Variants in ZNF76 observed in about 807,000 individuals in gnomAD.
ZNF76 encodes zinc finger protein 523.
In ZNF76, 66 loss-of-function variants were observed where a neutral mutation model predicts 66.9. The observed-to-expected ratio is 0.99, with a 90% confidence interval of 0.81 to 1.21. ZNF76 has a LOEUF of 1.21. Among genes scored for constraint, ZNF76 ranks in the 50% most tolerant of loss-of-function variants. The pLI is 0.00. For synonymous variants in ZNF76, 275 were observed against 296.1 expected (o/e 0.93, Z 0.73); for missense variants, 729 against 760.3 (o/e 0.96, Z 0.48).
In ZNF76 at chr6:35,283,073, C is replaced by T. The variant is rs575361655; in HGVS notation, c.73+1849C>T. ...TTACTCCTTGGACCCAGTTAGTTCC[C>T]GTGCCTCAGTCTTCCACTGAGAATT... On this transcript the variant is annotated intron_variant, in intron 2 of 13. Coordinates refer to ENST00000373953, the MANE Select transcript of ZNF76 (RefSeq NM_003427.5). Among the ~76,000 whole-genome samples, 46 of 152,244 alleles carry T rather than the reference C, an allele frequency of 3.0e-4. No homozygotes were observed. In the East Asian group the frequency reaches 5.6e-3, roughly 19 times the overall value.
At chr6:35,290,558 A>G in intron 6 of ZNF76, 83 bp from the exon 7 acceptor site, 1 of 1,549,274 alleles carries the variant, frequency 6.5e-7, no homozygotes, top group Non-Finnish European at 8.9e-7. Flanking sequence ...ACAGGAGGGA[A>G]GAGAATCAGG....
At chr6:35,260,054 C>T (rs1287427840) in intron 1 of ZNF76, among the ~76,000 whole-genome samples, 1 of 151,876 alleles carries the variant, frequency 6.6e-6, no homozygotes, top group Non-Finnish European at 1.5e-5. Context: ...ACTCCCAAAC[C>T]TCACCCCGTG....
At chr6:35,278,893 A>G (rs920674030) in intron 1 of ZNF76, among the ~76,000 whole-genome samples, 3 of 152,230 alleles carry the variant, frequency 2.0e-5, no homozygotes, top group African/African-American at 7.2e-5. Context: ...TGCTGGAGAA[A>G]CCACTGTGAC....
intron 11 of ZNF76, 73 bp from the exon 12 acceptor site, chr6:35,293,678 G>T: frequency 6.5e-7 from 1 of 1,537,260 alleles, no homozygotes; most frequent in Middle Eastern, 2.0e-4. Flanking sequence ...GGGAGAGCAG[G>T]TATATCTTCC....
At chr6:35,260,993 C>G (rs1292389883) in intron 1 of ZNF76, among the ~76,000 whole-genome samples, 2 of 152,118 alleles carry the variant, frequency 1.3e-5, no homozygotes, top group Non-Finnish European at 2.9e-5. Context: ...GTTTGCAAAG[C>G]AGTATAGCAG....
chr6:35,262,425 C>G (rs1377788007), intron 1 of ZNF76, among the ~76,000 whole-genome samples: 1 of 152,112 alleles, frequency 6.6e-6, no homozygotes, highest in Non-Finnish European at 1.5e-5. Context: ...CAGTCAACTT[C>G]TCTCTTCATC....
intron 1 of ZNF76, among the ~76,000 whole-genome samples, chr6:35,280,162 C>T (rs1261952054): frequency 6.6e-6 from 1 of 152,152 alleles, no homozygotes. Context: ...CTGTTCTCAG[C>T]AGGCCTCTAC....
intron 1 of ZNF76, among the ~76,000 whole-genome samples, chr6:35,270,802 C>T (rs1046804880): frequency 1.3e-5 from 2 of 152,258 alleles, no homozygotes; most frequent in African/African-American, 2.4e-5. Context: ...GGTGATCCGA[C>T]TGCTTCAGCC....
intron 1 of ZNF76, chr6:35,279,937 TG>T (rs1788508952): frequency 6.6e-6 from 1 of 152,154 alleles, no homozygotes. Context: ...GGTCAGGCAG[TG>T]CTCCCACCTC....
chr6:35,272,469 C>CTCTG (rs1787223724), intron 1 of ZNF76, among the ~76,000 whole-genome samples: 1 of 149,536 alleles, frequency 6.7e-6, no homozygotes, highest in East Asian at 2.0e-4. Flanking sequence ...GACCCTGTTT[C>CTCTG]TGTGTGTGTG....
chr6:35,290,333 G>A lies in ZNF76; in HGVS notation c.500G>A (p.Cys167Tyr). 1 of 1,614,232 alleles carries A rather than the reference G, an allele frequency of 6.2e-7. No individual in the cohort carries two copies. Among genetic ancestry groups the A allele is most frequent in the Non-Finnish European group, 8.5e-7 (1 of 1,180,034 alleles). ...GQQVGDRAFRCGYKGCGRLYT... is the reference protein window; with the variant it reads ...GQQVGDRAFRYGYKGCGRLYT... ...CAAGTTGGAGACAGAGCATTCCGCTGTGGCTACAAGGGCTGTGGGCGTCTC... is the reference window on the plus strand; with the variant it reads ...CAAGTTGGAGACAGAGCATTCCGCTATGGCTACAAGGGCTGTGGGCGTCTC... The change falls in exon 6 of 14, where the codon TGT becomes TAT. Residue 167 changes from cysteine to tyrosine, a missense_variant. By Grantham distance (194) the Cys-to-Tyr change is radical. Coordinates refer to ENST00000373953, the MANE Select transcript of ZNF76 (RefSeq NM_003427.5).
intron 5 of ZNF76, among the ~76,000 whole-genome samples, chr6:35,289,811 T>C (rs1790109164): frequency 6.6e-6 from 1 of 152,170 alleles, no homozygotes; most frequent in South Asian, 2.1e-4. Context: ...CCCTTGTTTA[T>C]GTACTTTTAA....
rs1043400760 is a variant in ZNF76, at chr6:35,293,691, A to G, written c.1330-60A>G. 2.4e-5 allele frequency: 38 copies of G among 1,578,212 alleles called. 1 individual carries two copies. Among genetic ancestry groups the G allele is most frequent in the Non-Finnish European group, 2.9e-5 (34 of 1,156,454 alleles). ...CTGGGAGAGCAGGTATATCTTCCTT[A>G]GGGACTTTCAGACAACCCTCCACTG... On this transcript the variant is annotated intron_variant, in intron 11 of 13. Coordinates refer to ENST00000373953, the MANE Select transcript of ZNF76 (RefSeq NM_003427.5).
chr6:35,289,031 T>TA (rs1790003673), intron 5 of ZNF76, among the ~76,000 whole-genome samples: 2 of 151,868 alleles, frequency 1.3e-5, no homozygotes, highest in Non-Finnish European at 1.5e-5. Flanking sequence ...AGGTATATCT[T>TA]AGAGACCAAA....
In ZNF76 at chr6:35,292,656, A is replaced by C. The variant is rs373946973; in HGVS notation, c.1034A>C (p.Tyr345Ser). Residue 345 changes from tyrosine to serine, a missense_variant, in exon 10 of 14, where the codon TAC becomes TCC. By Grantham distance (144) the Tyr-to-Ser change is moderately radical. Coordinates refer to ENST00000373953, the MANE Select transcript of ZNF76 (RefSeq NM_003427.5). This position sits in a 1 kb window ranked among gnomAD's most constrained non-coding sequence, Gnocchi z 4.7. ...HHVVHTHCKP[Y>S]TCSTCGKTYR... ...GTGGTGCACACACACTGCAAGCCCT[A>C]CACCTGCAGCACCTGCGGCAAGACC... is the stretch of plus-strand genomic sequence containing the variant. The C allele has an allele frequency of 2.5e-6, 4 of 1,614,130 alleles. No homozygotes were observed. The highest frequency in any genetic ancestry group is 2.5e-6 in the Non-Finnish European group (3 of 1,180,036).
chr6:35,280,935 T>C, intron 1 of ZNF76, 121 bp from the exon 2 acceptor site: 1 of 573,800 alleles, frequency 1.7e-6, no homozygotes, highest in East Asian at 2.8e-5. Context: ...TATAGTTCAC[T>C]ACTTTGAAGA....
intron 1 of ZNF76, among the ~76,000 whole-genome samples, chr6:35,275,830 T>G (rs111798662): frequency 0.013 from 1,950 of 152,310 alleles, 14 homozygotes; most frequent in African/African-American, 0.022. Flanking sequence ...ATTCCCTTTT[T>G]CCATTGCGGG....
At chr6:35,267,534 C>T (rs1786332714) in intron 1 of ZNF76, among the ~76,000 whole-genome samples, 1 of 152,146 alleles carries the variant, frequency 6.6e-6, no homozygotes, top group East Asian at 1.9e-4. Context: ...AGTTCTACAC[C>T]AGGTAGTGGT....
chr6:35,292,686 G>A lies in ZNF76; in HGVS notation c.1064G>A (p.Arg355Gln), dbSNP rs780489199. Residue 355 changes from arginine to glutamine, a missense_variant, in exon 10 of 14, where the codon CGG becomes CAG. Arg to Gln is a conservative substitution (Grantham distance 43). Transcript: ENST00000373953. The surrounding 1 kb of genome is among the most constrained non-coding windows in gnomAD (Gnocchi z 4.7). ...YTCSTCGKTYRQTSTLAMHKR... is the reference protein window; with the variant it reads ...YTCSTCGKTYQQTSTLAMHKR... ...TGCAGCACCTGCGGCAAGACCTACC[G>A]GCAGACCTCCACCTTGGCCATGCAC... The A allele has an allele frequency of 3.7e-5, 60 of 1,614,030 alleles. No homozygotes were observed. Among genetic ancestry groups the A allele is most frequent in the African/African-American group, 1.3e-5 (1 of 74,918 alleles).
Sources: allele counts gnomAD v4.1 joint callset (sites outside exome capture counted in the v4.1 genomes callset), GRCh38; gene constraint gnomAD v4.1.1; non-coding constraint Gnocchi (gnomAD v3.1); transcripts MANE v1.5; gene names NCBI Gene and HGNC (gene_info 2026-07-23, HGNC 2026-07-21).